The following AVEN variants were observed in gnomAD, a reference collection of about 807,000 sequenced individuals.
AVEN encodes the protein cell death regulator Aven.
AVEN carries 41 observed loss-of-function variants against 38.1 expected under a neutral mutation model. The ratio of observed to expected loss-of-function variants is 1.08; its 90% CI spans 0.84 to 1.40. AVEN has a LOEUF of 1.40. Ranked by LOEUF, AVEN falls within the 40% of genes most tolerant of loss-of-function variation. AVEN has a pLI of 0.00. For missense variants in AVEN, 605 were observed against 438.8 expected, an observed-to-expected ratio of 1.38 and a Z score of -3.38; for synonymous variants, 206 against 171.8, an observed-to-expected ratio of 1.20 and a Z score of -1.56.
chr15:33,852,335 TCTTAA>T, the AVEN span: 2 of 152,180 alleles, frequency 1.3e-5, no homozygotes, highest in African/African-American at 4.8e-5. Context: ...GACAGTTCTT[TCTTAA>T]CTTTAACAGT....
chr15:33,911,156 C>T (rs1892904721), intron 2 of AVEN, among the ~76,000 whole-genome samples: 2 of 152,160 alleles, frequency 1.3e-5, no homozygotes, highest in African/African-American at 4.8e-5. Flanking sequence ...AGCACCACCA[C>T]CTCTTCTCAT....
intron 2 of AVEN, among the ~76,000 whole-genome samples, chr15:33,975,188 A>T (rs1255290115): frequency 6.6e-6 from 1 of 152,142 alleles, no homozygotes; most frequent in Non-Finnish European, 1.5e-5. Flanking sequence ...CTTCTTGGAC[A>T]CCTTCTAAGA....
intron 2 of AVEN, among the ~76,000 whole-genome samples, chr15:33,937,023 C>T (rs1041622639): frequency 6.7e-6 from 1 of 148,904 alleles, no homozygotes; most frequent in African/African-American, 2.5e-5. Flanking sequence ...CCCAGCCACT[C>T]GGGAGGCTGA....
At chr15:33,897,592 C>T (rs948655553) in intron 2 of AVEN, among the ~76,000 whole-genome samples, 2 of 151,998 alleles carry the variant, frequency 1.3e-5, no homozygotes, top group Admixed American at 6.5e-5. Context: ...TTTTAAACAA[C>T]AGCTGCCAGG....
intron 1 of AVEN, among the ~76,000 whole-genome samples, chr15:34,028,394 G>A (rs192173231): frequency 4.6e-5 from 7 of 152,060 alleles, no homozygotes; most frequent in African/African-American, 7.2e-5. Context: ...GCAAAATCCC[G>A]TCTCTATAAA....
intron 2 of AVEN, among the ~76,000 whole-genome samples, chr15:33,996,365 C>G (rs1896933204): frequency 6.6e-6 from 1 of 152,140 alleles, no homozygotes; most frequent in Admixed American, 6.5e-5. Flanking sequence ...TGAGAACCGA[C>G]AGACTGCCTC....
In AVEN at chr15:33,894,678, C is replaced by T. The variant is rs2066047754; in HGVS notation, c.446-18683G>A. Reference sequence around the variant, plus strand: ...ACAAAAAATTAGGTGGGCATGGCAGCGTGTACCTGTAGTCCCAGCTACTCA... The same window carrying T: ...ACAAAAAATTAGGTGGGCATGGCAGTGTGTACCTGTAGTCCCAGCTACTCA... On this transcript the variant is annotated intron_variant, in intron 2 of 5. Coordinates refer to ENST00000306730, the MANE Select transcript of AVEN (RefSeq NM_020371.3). Among the ~76,000 whole-genome samples, 2 of 136,488 alleles carry T rather than the reference C, an allele frequency of 1.5e-5. 1 individual carries two copies. Among genetic ancestry groups the T allele is most frequent in the African/African-American group, 5.4e-5 (2 of 37,150 alleles). The allele number at this position is 136,488 out of a possible 152,430, so 89.5% of individuals were successfully genotyped here. A position where few individuals can be genotyped will look rare whatever the true frequency, so the allele number is the denominator to read the frequency against.
chr15:33,916,881 C>T (rs934249882), intron 2 of AVEN, among the ~76,000 whole-genome samples: 1 of 151,950 alleles, frequency 6.6e-6, no homozygotes, highest in African/African-American at 2.4e-5. Flanking sequence ...AGGAAACTTA[C>T]AAACATGGTG....
intron 2 of AVEN, chr15:33,990,555 T>C (rs1896677501): frequency 6.6e-6 from 1 of 152,244 alleles, no homozygotes; most frequent in African/African-American, 2.4e-5. Flanking sequence ...ATGTCCAGTA[T>C]AACTAGCTTA....
Position 34,038,960 on chromosome 15 carries a change from G to T in AVEN, c.87C>A (p.Pro29=). The change falls in exon 1 of 6, where the codon CCC becomes CCA. Residue 29 remains proline (P), a synonymous_variant. Transcript: ENST00000306730. The part of the protein sequence containing the change: ...RPGGDRHSER[P]GAAAAVARGG... ...CTCTGGCTACCGCCGCTGCGGCTCC[G>T]GGCCGCTCGCTGTGGCGATCTCCGC... The T allele has an allele frequency of 9.0e-7, 1 of 1,108,478 alleles. No individual in the cohort carries two copies. The highest frequency in any genetic ancestry group is 3.9e-5 in the South Asian group (1 of 25,562). 68.7% of individuals were successfully genotyped at this position (1,108,478 alleles called of 1,614,324 possible).
chr15:33,872,710 T>G (rs1391265592), intron 3 of AVEN, among the ~76,000 whole-genome samples: 1 of 152,112 alleles, frequency 6.6e-6, no homozygotes, highest in African/African-American at 2.4e-5. Flanking sequence ...TCAACAGAAA[T>G]TTAATGTGGA....
At chr15:33,860,188 C>G (rs190194371) in intron 11 of AVEN, among the ~76,000 whole-genome samples, 11 of 152,114 alleles carry the variant, frequency 7.2e-5, no homozygotes, top group Admixed American at 2.0e-4. Flanking sequence ...GTGGAGGAAC[C>G]TGTAAGACAT....
intron 1 of AVEN, among the ~76,000 whole-genome samples, chr15:34,074,185 A>T: frequency 6.6e-6 from 1 of 150,634 alleles, no homozygotes; most frequent in African/African-American, 2.4e-5. Flanking sequence ...TTTAGTAGAG[A>T]TGGGGTTTGA....
intron 11 of AVEN, chr15:33,860,681 A>C: frequency 6.6e-7 from 1 of 1,508,228 alleles, no homozygotes; most frequent in Non-Finnish European, 9.1e-7. Context: ...CTAACTACTA[A>C]TCCCAGCTCT....
intron 2 of AVEN, among the ~76,000 whole-genome samples, chr15:33,877,477 T>TA (rs1336760760): frequency 3.3e-5 from 5 of 152,138 alleles, no homozygotes; most frequent in Non-Finnish European, 7.4e-5. Flanking sequence ...AAACTTATCT[T>TA]AAAAAATAAA....
chr15:34,007,036 ATAG>A, intron 1 of AVEN: 1 of 981,982 alleles, frequency 1.0e-6, no homozygotes, highest in South Asian at 4.7e-5. Context: ...TTTCACTGTA[ATAG>A]TTCATACCTG....
intron 3 of AVEN, among the ~76,000 whole-genome samples, chr15:33,872,368 G>C (rs1891006405): frequency 6.6e-6 from 1 of 152,278 alleles, no homozygotes; most frequent in African/African-American, 2.4e-5. Context: ...TCACTTTGCA[G>C]CTAAAAAACA....
At position 33,918,581 on chromosome 15, in the gene AVEN, CTG is replaced by C. The variant is rs1893257406; in HGVS notation, c.446-42588_446-42587del. On this transcript the variant is annotated intron_variant, in intron 2 of 5. Coordinates refer to ENST00000306730, the MANE Select transcript of AVEN (RefSeq NM_020371.3). ...TGCCTCCCGGGTTCAAGCGATTCTCCTGCCTCAGCCTCCTGCGCACACCACCA... is the reference window on the plus strand; with the variant it reads ...TGCCTCCCGGGTTCAAGCGATTCTCCCCTCAGCCTCCTGCGCACACCACCA... Among the ~76,000 whole-genome samples the C allele has an allele frequency of 2.7e-5, 4 of 147,660 alleles. No homozygotes were observed. The South Asian group carries it at 8.5e-4, about 32-fold the overall frequency.
Position 33,867,935 on chromosome 15 carries a change from GA to G in AVEN, c.613-81del, listed in dbSNP as rs555255643. 499 of 1,480,252 alleles carry G rather than the reference GA, an allele frequency of 3.4e-4. 4 individuals are homozygous for G. In the African/African-American group the frequency reaches 6.3e-3, roughly 19 times the overall value. The allele number at this position is 1,480,252 out of a possible 1,614,324, so 91.7% of individuals were successfully genotyped here. On this transcript the variant is annotated intron_variant, in intron 4 of 5. Coordinates refer to ENST00000306730, the MANE Select transcript of AVEN (RefSeq NM_020371.3). ...TAAGTAAATACATAGGAGGCTAAAC[GA>G]AGCCATCAAACTTTGTGACAGAGGA...
Sources: allele counts gnomAD v4.1 joint callset (sites outside exome capture counted in the v4.1 genomes callset), GRCh38; gene constraint gnomAD v4.1.1; transcripts MANE v1.5; gene names NCBI Gene and HGNC (gene_info 2026-07-23, HGNC 2026-07-21).